Variants in APPBP2 observed in about 807,000 individuals in gnomAD.
APPBP2 encodes the protein amyloid protein-binding protein 2.
Under a neutral mutation model 76.0 loss-of-function variants are expected in APPBP2, and 15 were observed. That is an observed-to-expected ratio of 0.20 (90% CI 0.13 to 0.30). The LOEUF is 0.30. Ranked by LOEUF, APPBP2 falls within the 10% of genes least tolerant of loss-of-function variation. APPBP2 has a pLI of 1.00. For missense variants in APPBP2, 401 were observed against 687.2 expected, an observed-to-expected ratio of 0.58 and a Z score of 4.66; for synonymous variants, 222 against 242.2, an observed-to-expected ratio of 0.92 and a Z score of 0.77.
intron 1 of APPBP2, 88 bp downstream of exon 1, chr17:60,525,706 G>A (rs918320542): frequency 1.9e-6 from 3 of 1,584,128 alleles, no homozygotes; most frequent in African/African-American, 1.3e-5. Context: ...AGGGGTGAGG[G>A]GTTAACTGCG....
chr17:60,482,684 T>C (rs891204348), intron 3 of APPBP2, among the ~76,000 whole-genome samples: 4 of 152,156 alleles, frequency 2.6e-5, no homozygotes, highest in Non-Finnish European at 4.4e-5. Flanking sequence ...CATGTGGTAT[T>C]TGGTTTTCTG....
intron 4 of APPBP2, among the ~76,000 whole-genome samples, chr17:60,477,972 T>G (rs1360000518): frequency 4.6e-5 from 7 of 151,664 alleles, no homozygotes; most frequent in Admixed American, 4.6e-4. Flanking sequence ...AAACACCATT[T>G]CTAATAAAAA....
intron 4 of APPBP2, among the ~76,000 whole-genome samples, chr17:60,471,603 AT>A (rs1335232312): frequency 6.9e-6 from 1 of 145,282 alleles, no homozygotes; most frequent in Non-Finnish European, 1.5e-5. Flanking sequence ...CCTTCATCCT[AT>A]TAACATGGTG....
At chr17:60,487,501 T>A (rs116661238) in intron 3 of APPBP2, among the ~76,000 whole-genome samples, 6,617 of 152,290 alleles carry the variant, frequency 0.043, 503 homozygotes, top group African/African-American at 0.15. Context: ...CTGAAGCATG[T>A]GCATGTGTCA....
Position 60,526,215 on chromosome 17 carries a change from A to C in APPBP2, c.-284T>G. The stretch of plus-strand genomic sequence containing the variant: ...GAACCCGGGTTCCGTCCCAGCGCTG[A>C]TCTCTGCAGGGGCGGGGCTGCGTGT... On this transcript the variant is annotated 5_prime_UTR_variant, in exon 1 of 13. Coordinates refer to ENST00000083182, the MANE Select transcript of APPBP2 (RefSeq NM_006380.5). 10 of 408,396 alleles carry C rather than the reference A, an allele frequency of 2.4e-5. No homozygotes were observed. The highest frequency in any genetic ancestry group is 4.1e-5 in the Non-Finnish European group (9 of 217,044). The allele number at this position is 408,396 out of a possible 1,614,324, so 25.3% of individuals were successfully genotyped here.
rs935128735 is a variant in APPBP2, at chr17:60,446,041, C to G, written c.*1540G>C. On this transcript the variant is annotated 3_prime_UTR_variant, in exon 13 of 13. Coordinates refer to ENST00000083182, the MANE Select transcript of APPBP2 (RefSeq NM_006380.5). Reference sequence around the variant, plus strand: ...TGGCAGACAGCTTAGATTTTTTTCCCCTCTCACCCAACATGCATGTTAAAA... The same window carrying G: ...TGGCAGACAGCTTAGATTTTTTTCCGCTCTCACCCAACATGCATGTTAAAA... 1.3e-5 allele frequency: 2 copies of G among 151,858 alleles called. No homozygotes were observed. Among genetic ancestry groups the G allele is most frequent in the Non-Finnish European group, 2.9e-5 (2 of 67,996 alleles). 9.4% of individuals were successfully genotyped at this position (151,858 alleles called of 1,614,324 possible). A position where few individuals can be genotyped will look rare whatever the true frequency, so the allele number is the denominator to read the frequency against.
At position 60,445,947 on chromosome 17, in the gene APPBP2, T is replaced by C. The variant is rs1024372848; in HGVS notation, c.*1634A>G. On this transcript the variant is annotated 3_prime_UTR_variant, in exon 13 of 13. Transcript: ENST00000083182. ...CTGCAAATAACAGCTTCAAACAAGG[T>C]TGGGAAGTTCAAAAAAGTGCTTAAA... 3.3e-5 allele frequency: 5 copies of C among 151,968 alleles called. No homozygotes were observed. Among genetic ancestry groups the C allele is most frequent in the Non-Finnish European group, 5.9e-5 (4 of 67,982 alleles). 9.4% of individuals were successfully genotyped at this position (151,968 alleles called of 1,614,324 possible). A position where few individuals can be genotyped will look rare whatever the true frequency, so the allele number is the denominator to read the frequency against.
At chr17:60,506,486 T>C (rs1366032816) in intron 1 of APPBP2, among the ~76,000 whole-genome samples, 1 of 152,222 alleles carries the variant, frequency 6.6e-6, no homozygotes, top group Non-Finnish European at 1.5e-5. Context: ...AACTACACTA[T>C]GTCACTTCCT....
chr17:60,479,866 G>A (rs890880478), intron 3 of APPBP2, among the ~76,000 whole-genome samples: 2 of 151,952 alleles, frequency 1.3e-5, no homozygotes, highest in African/African-American at 4.8e-5. Context: ...ATAACTACAC[G>A]AACTCACTCA....
At chr17:60,496,835 C>T (rs921909671) in intron 2 of APPBP2, among the ~76,000 whole-genome samples, 2 of 152,218 alleles carry the variant, frequency 1.3e-5, no homozygotes, top group Admixed American at 6.5e-5. Flanking sequence ...ATTCTCCTGC[C>T]TCAGCCTCCC....
At chr17:60,488,121 G>T (rs1203147938) in intron 3 of APPBP2, among the ~76,000 whole-genome samples, 1 of 152,190 alleles carries the variant, frequency 6.6e-6, no homozygotes, top group Non-Finnish European at 1.5e-5. Context: ...GCTGTATGAG[G>T]TGTCAGTCAG....
intron 2 of APPBP2, 135 bp from the exon 3 acceptor site, chr17:60,494,752 TC>T: frequency 1.2e-6 from 1 of 816,210 alleles, no homozygotes; most frequent in Non-Finnish European, 1.8e-6. Context: ...TTTTGCCTTA[TC>T]AATTACAAGG....
At chr17:60,512,133 C>T (rs1019659153) in intron 1 of APPBP2, among the ~76,000 whole-genome samples, 5 of 150,660 alleles carry the variant, frequency 3.3e-5, no homozygotes, top group African/African-American at 1.2e-4. Context: ...GATGGAGTCT[C>T]GCTCTGTCAC....
chr17:60,443,295 AATG>A lies in APPBP2; in HGVS notation c.*4283_*4285del, dbSNP rs1223050807. On this transcript the variant is annotated 3_prime_UTR_variant, in exon 13 of 13. Coordinates refer to ENST00000083182, the MANE Select transcript of APPBP2 (RefSeq NM_006380.5). ...ACGGTGGGCACTACAAGTTGGTGAG[AATG>A]ATATGAAAGGTCATCCTGACACAAT... 6.5e-6 allele frequency: 1 copy of A among 152,674 alleles called. No individual in the cohort carries two copies. Among genetic ancestry groups the A allele is most frequent in the Non-Finnish European group, 1.5e-5 (1 of 68,046 alleles). The allele number at this position is 152,674 out of a possible 1,614,324, so 9.5% of individuals were successfully genotyped here. A position where few individuals can be genotyped will look rare whatever the true frequency, so the allele number is the denominator to read the frequency against.
rs183700217 is a variant in APPBP2 at position 60,523,459 on chromosome 17, C to T, written c.138+2335G>A. Among the ~76,000 whole-genome samples the T allele has an allele frequency of 4.8e-3, 735 of 152,142 alleles. 4 individuals carry two copies. The highest frequency in any genetic ancestry group is 0.02 in the Middle Eastern group (6 of 294). The stretch of plus-strand genomic sequence containing the variant: ...TTGCGGTGAGCTATGATCACAACTG[C>T]ACTCCAGCCTGGGCAACAGAGCAAG... On this transcript the variant is annotated intron_variant, in intron 1 of 12. Transcript: ENST00000083182.
chr17:60,507,157 C>A (rs552180114), intron 1 of APPBP2, among the ~76,000 whole-genome samples: 2 of 152,200 alleles, frequency 1.3e-5, no homozygotes, highest in African/African-American at 4.8e-5. Context: ...TGAACCCATA[C>A]CCAAGTAGCA....
rs139135836 is a variant in APPBP2 at position 60,522,477 on chromosome 17, C to A, written c.138+3317G>T. Reference sequence around the variant, plus strand: ...TAGCTGGGATGACAGGCATGCACCACCATGCCTGGATAACTTTTTCTACTT... The same window carrying A: ...TAGCTGGGATGACAGGCATGCACCAACATGCCTGGATAACTTTTTCTACTT... On this transcript the variant is annotated intron_variant, in intron 1 of 12. Transcript: ENST00000083182. Among the ~76,000 whole-genome samples, 219 of 152,212 alleles carry A rather than the reference C, an allele frequency of 1.4e-3. 1 individual carries two copies. The highest frequency in any genetic ancestry group is 6.8e-3 in the Middle Eastern group (2 of 294).
At chr17:60,485,817 G>C (rs1424682946) in intron 3 of APPBP2, among the ~76,000 whole-genome samples, 1 of 152,120 alleles carries the variant, frequency 6.6e-6, no homozygotes, top group African/African-American at 2.4e-5. Context: ...GATCTTTCCT[G>C]CTTTCTCTTG....
intron 3 of APPBP2, among the ~76,000 whole-genome samples, chr17:60,489,367 T>C (rs953375011): frequency 2.0e-5 from 3 of 151,930 alleles, no homozygotes; most frequent in African/African-American, 7.2e-5. Flanking sequence ...TCCCAGCACT[T>C]TGGGAGGCTG....
Sources: gnomAD v4.1 joint callset for allele counts (sites outside exome capture counted in the v4.1 genomes callset) on GRCh38, gnomAD v4.1.1 for gene constraint, MANE v1.5 for transcripts, NCBI Gene and HGNC (gene_info 2026-07-23, HGNC 2026-07-21) for gene names.